HORMAD2: variants seen among roughly 807,000 people sequenced by gnomAD.
HORMAD2 encodes the protein HORMA domain-containing protein 2.
Under a neutral mutation model 38.8 loss-of-function variants are expected in HORMAD2, and 45 were observed. That is an observed-to-expected ratio of 1.16 (90% CI 0.91 to 1.49). The LOEUF is 1.49. HORMAD2 is among the 40% of genes most tolerant of loss of function. The pLI is 0.00. For synonymous variants in HORMAD2, 126 were observed against 122.8 expected, an observed-to-expected ratio of 1.03 and a Z score of -0.17; for missense variants, 338 against 367.0, an observed-to-expected ratio of 0.92 and a Z score of 0.65.
At chr22:30,083,199 C>T (rs1378749254) in intron 1 of HORMAD2, among the ~76,000 whole-genome samples, 1 of 152,088 alleles carries the variant, frequency 6.6e-6, no homozygotes, top group African/African-American at 2.4e-5. Context: ...CCCAGGAGGT[C>T]GAGGTTGCAG....
intron 7 of HORMAD2, among the ~76,000 whole-genome samples, chr22:30,118,659 C>CATGA (rs1458537122): frequency 6.6e-6 from 1 of 152,218 alleles, no homozygotes; most frequent in Non-Finnish European, 1.5e-5. Flanking sequence ...ATATTTGTTA[C>CATGA]ATGAATGAAT....
intron 3 of HORMAD2, among the ~76,000 whole-genome samples, chr22:30,100,668 A>AT (rs1402232107): frequency 6.6e-6 from 1 of 152,230 alleles, no homozygotes; most frequent in Non-Finnish European, 1.5e-5. Flanking sequence ...ATGGGAGAAA[A>AT]TGTTTCCAAT....
chr22:30,184,855 T>A, the HORMAD2 span: 1 of 152,246 alleles, frequency 6.6e-6, no homozygotes, highest in East Asian at 1.9e-4. Context: ...TGCTGGCAAC[T>A]GGCAAACCAC....
chr22:30,164,571 G>C (rs1196394526), intron 10 of HORMAD2, among the ~76,000 whole-genome samples: 1 of 152,146 alleles, frequency 6.6e-6, no homozygotes, highest in Non-Finnish European at 1.5e-5. Flanking sequence ...ATCTTTTCAT[G>C]TGCTTATTGG....
chr22:30,118,829 T>C (rs1922231974), intron 7 of HORMAD2, 151 bp from the exon 8 acceptor site: 2 of 551,770 alleles, frequency 3.6e-6, no homozygotes, highest in Admixed American at 3.6e-5. Flanking sequence ...TTTGGAAATA[T>C]TACTCTTGAA....
chr22:30,145,376 T>C (rs542037007), intron 10 of HORMAD2, among the ~76,000 whole-genome samples: 2 of 152,292 alleles, frequency 1.3e-5, no homozygotes, highest in Admixed American at 1.3e-4. Flanking sequence ...AACTGTACAT[T>C]ATAAAGAACA....
the HORMAD2 span, chr22:30,184,558 G>GTT: frequency 1.3e-5 from 2 of 151,046 alleles, no homozygotes; most frequent in African/African-American, 4.9e-5. Context: ...TAATGTTTTG[G>GTT]TTTTTTTTTA....
chr22:30,205,146 G>T, the HORMAD2 span, among the ~76,000 whole-genome samples: 1 of 152,294 alleles, frequency 6.6e-6, no homozygotes, highest in East Asian at 1.9e-4. Flanking sequence ...AGTTCTGCAT[G>T]TGGATCCTCT....
intron 10 of HORMAD2, among the ~76,000 whole-genome samples, chr22:30,149,739 G>A (rs1056845254): frequency 1.3e-5 from 2 of 152,184 alleles, no homozygotes; most frequent in African/African-American, 4.8e-5. Flanking sequence ...CTTCCTTAGA[G>A]AGGACTGCAT....
the HORMAD2 span, among the ~76,000 whole-genome samples, chr22:30,194,408 G>T: frequency 1.3e-5 from 2 of 152,220 alleles, no homozygotes; most frequent in Non-Finnish European, 2.9e-5. Flanking sequence ...AATTGAAGAA[G>T]AGGAATGAAA....
chr22:30,139,872 T>C (rs567034870), intron 10 of HORMAD2, among the ~76,000 whole-genome samples: 1 of 152,300 alleles, frequency 6.6e-6, no homozygotes, highest in Non-Finnish European at 1.5e-5. Flanking sequence ...TGATATAATG[T>C]ATTACATTAG....
At chr22:30,090,970 A>G (rs1370132476) in intron 1 of HORMAD2, among the ~76,000 whole-genome samples, 1 of 152,170 alleles carries the variant, frequency 6.6e-6, no homozygotes, top group African/African-American at 2.4e-5. Flanking sequence ...TATATCCATT[A>G]ACTAACTTCT....
rs200230533 is a variant in HORMAD2 at position 30,122,144 on chromosome 22, G to A, written c.749G>A (p.Arg250Gln). The change falls in exon 10 of 11, where the codon CGG becomes CAG. Residue 250 changes from arginine to glutamine, a missense_variant. Coordinates refer to ENST00000336726, the MANE Select transcript of HORMAD2 (RefSeq NM_152510.4). ...ATTGATTTGGAGAACAATCTGTTTC[G>A]GGAGAACAGCACTACTGAGATCGCC... ...KVIDLENNLF[R>Q]ENSTTEIAHQ... is the part of the protein sequence containing the mutation. 7 of 1,613,394 alleles carry A rather than the reference G, an allele frequency of 4.3e-6. No individual in the cohort carries two copies. The highest frequency in any genetic ancestry group is 4.0e-5 in the African/African-American group (3 of 74,900).
At chr22:30,189,410 C>A in the HORMAD2 span, among the ~76,000 whole-genome samples, 2 of 151,886 alleles carry the variant, frequency 1.3e-5, no homozygotes, top group Non-Finnish European at 2.9e-5. Flanking sequence ...GTAGTAACTA[C>A]AACTCACCCT....
the HORMAD2 span, among the ~76,000 whole-genome samples, chr22:30,183,710 A>T: frequency 1.3e-5 from 2 of 152,236 alleles, no homozygotes; most frequent in African/African-American, 4.8e-5. Flanking sequence ...ATGTAAAAAT[A>T]ATATAAGAAA....
At chr22:30,166,519 A>G (rs1246256069) in intron 10 of HORMAD2, among the ~76,000 whole-genome samples, 1 of 152,234 alleles carries the variant, frequency 6.6e-6, no homozygotes, top group Non-Finnish European at 1.5e-5. Flanking sequence ...CGGCTTTTGA[A>G]TGTATGAATA....
chr22:30,158,480 TTTC>T (rs1033882479), intron 10 of HORMAD2, among the ~76,000 whole-genome samples: 3 of 150,506 alleles, frequency 2.0e-5, no homozygotes, highest in African/African-American at 5.0e-5. Context: ...TTTCTTTTCT[TTTC>T]TTTTTTCTTT....
chr22:30,201,137 G>T, the HORMAD2 span, among the ~76,000 whole-genome samples: 8 of 152,176 alleles, frequency 5.3e-5, no homozygotes, highest in African/African-American at 1.7e-4. Context: ...CTCTGAGGGA[G>T]AATCTGTTCG....
chr22:30,133,528 A>C (rs1923427795), intron 10 of HORMAD2, among the ~76,000 whole-genome samples: 1 of 150,646 alleles, frequency 6.6e-6, no homozygotes, highest in Admixed American at 6.6e-5. Flanking sequence ...TGTGCAGAAC[A>C]TGCAGGCTTG....
Sources: gnomAD v4.1 joint callset for allele counts (sites outside exome capture counted in the v4.1 genomes callset) on GRCh38, gnomAD v4.1.1 for gene constraint, MANE v1.5 for transcripts, NCBI Gene and HGNC (gene_info 2026-07-23, HGNC 2026-07-21) for gene names.